HAUS6: variants seen among roughly 807,000 people sequenced by gnomAD.
HAUS6 encodes HAUS augmin like complex subunit 6.
Under a neutral mutation model 106.8 loss-of-function variants are expected in HAUS6, and 80 were observed. That is an observed-to-expected ratio of 0.75 (90% confidence interval 0.63 to 0.90). The LOEUF (loss-of-function observed/expected upper bound fraction) is 0.90, where lower values mean the gene tolerates loss of function less well. Among genes scored for constraint, HAUS6 ranks in the 40% least tolerant of loss-of-function variants. The pLI is 0.00. For synonymous variants in HAUS6, 356 were observed against 379.1 expected, an observed-to-expected ratio of 0.94 and a Z score of 0.71; for missense variants, 1,155 against 1,118.1, an observed-to-expected ratio of 1.03 and a Z score of -0.47.
intron 5 of HAUS6, 140 bp from the exon 6 acceptor site, chr9:19,087,296 C>G (rs944403878): frequency 3.2e-6 from 2 of 622,798 alleles, no homozygotes; most frequent in African/African-American, 3.7e-5. Context: ...TCTAGACTCT[C>G]TTTATCACAC....
intron 9 of HAUS6, among the ~76,000 whole-genome samples, chr9:19,079,910 C>T (rs1837101067): frequency 6.7e-6 from 1 of 148,174 alleles, no homozygotes; most frequent in Non-Finnish European, 1.5e-5. Flanking sequence ...CTTGGTGGCT[C>T]ACGCCTGTAA....
intron 12 of HAUS6, among the ~76,000 whole-genome samples, chr9:19,063,943 G>A (rs1046732226): frequency 1.3e-5 from 2 of 151,504 alleles, no homozygotes; most frequent in Non-Finnish European, 2.9e-5. Flanking sequence ...CCAAATCACA[G>A]TTTCTTTGTA....
chr9:19,088,853 G>T (rs1013035803), intron 5 of HAUS6, among the ~76,000 whole-genome samples: 2 of 152,096 alleles, frequency 1.3e-5, no homozygotes, highest in African/African-American at 2.4e-5. Flanking sequence ...ACTCAAGCCT[G>T]GGCAACACAG....
Position 19,054,915 on chromosome 9 carries a change from A to C in HAUS6, c.*1428T>G, listed in dbSNP as rs1369322894. Reference sequence around the variant, plus strand: ...AGATTTTCAGATACTGAGTTTTCTTAAAGCAGACTAAAGGTTTCCCCATAG... The same window carrying C: ...AGATTTTCAGATACTGAGTTTTCTTCAAGCAGACTAAAGGTTTCCCCATAG... On this transcript the variant is annotated 3_prime_UTR_variant, in exon 17 of 17. Coordinates refer to ENST00000380502, the MANE Select transcript of HAUS6 (RefSeq NM_017645.5). 6.6e-6 allele frequency: 1 copy of C among 152,242 alleles called. No homozygotes were observed. The highest frequency in any genetic ancestry group is 1.5e-5 in the Non-Finnish European group (1 of 68,042). 9.4% of individuals were successfully genotyped at this position (152,242 alleles called of 1,614,324 possible). A position where few individuals can be genotyped will look rare whatever the true frequency, so the allele number is the denominator to read the frequency against.
intron 11 of HAUS6, among the ~76,000 whole-genome samples, chr9:19,072,131 AGT>A (rs570041872): frequency 8.9e-4 from 135 of 151,994 alleles, no homozygotes; most frequent in South Asian, 2.5e-3. Flanking sequence ...CAGAGGTTGC[AGT>A]GAGTGGAAAT....
intron 14 of HAUS6, among the ~76,000 whole-genome samples, chr9:19,062,489 G>GT (rs1836647201): frequency 6.6e-6 from 1 of 152,146 alleles, no homozygotes; most frequent in South Asian, 2.1e-4. Context: ...AACCACAGAT[G>GT]TAATATTAGC....
intron 4 of HAUS6, among the ~76,000 whole-genome samples, chr9:19,092,909 T>TG (rs1421862163): frequency 1.6e-5 from 2 of 122,170 alleles, no homozygotes; most frequent in East Asian, 4.8e-4. Context: ...TGAGCGAAAC[T>TG]GTGTCTCAAA....
At chr9:19,092,597 A>G (rs117840821) in intron 4 of HAUS6, among the ~76,000 whole-genome samples, 4,782 of 146,398 alleles carry the variant, frequency 0.033, 102 homozygotes, top group Non-Finnish European at 0.05. Flanking sequence ...CCTGGGCAAC[A>G]AGAAAAAAAA....
chr9:19,064,476 C>A (rs1446593178), intron 12 of HAUS6, among the ~76,000 whole-genome samples: 1 of 152,118 alleles, frequency 6.6e-6, no homozygotes, highest in Non-Finnish European at 1.5e-5. Context: ...GCTTTTCATG[C>A]TAATTATAAA....
chr9:19,089,999 G>GT lies in HAUS6; in HGVS notation c.437-441dup, dbSNP rs568668586. Among the ~76,000 whole-genome samples the GT allele has an allele frequency of 1.0e-3, 152 of 148,350 alleles. 4 individuals are homozygous for GT. In the South Asian group the frequency reaches 0.017, roughly 17 times the overall value. The stretch of plus-strand genomic sequence containing the variant: ...AAGCACGCACCACCATGCCCAGCTA[G>GT]TTTTTTTTTTATTATTTTTTGTAGA... On this transcript the variant is annotated intron_variant, in intron 4 of 16. Coordinates refer to ENST00000380502, the MANE Select transcript of HAUS6 (RefSeq NM_017645.5).
chr9:19,089,481 G>A lies in HAUS6; in HGVS notation c.515C>T (p.Ala172Val). Residue 172 changes from alanine (A) to valine (V), a missense_variant, in exon 5 of 17, where the codon GCA becomes GTA. Ala to Val is a moderately conservative substitution (Grantham distance 64, BLOSUM62 0). This residue lies in a region of HAUS6 where 761 missense variants were observed against 690.0 expected (regional missense o/e 1.10). Coordinates refer to ENST00000380502, the MANE Select transcript of HAUS6 (RefSeq NM_017645.5). ...CAAAATTTGTAAAAATCTGCTACGT[G>A]CGAAATGGCATCTGGCAATGCATTT... The part of the protein sequence containing the change: ...LHKCIARCHF[A>V]RSRFLQILQR... 6.2e-7 allele frequency: 1 copy of A among 1,611,364 alleles called. No homozygotes were observed. The highest frequency in any genetic ancestry group is 8.5e-7 in the Non-Finnish European group (1 of 1,177,572).
chr9:19,082,157 A>G (rs1423440378), intron 8 of HAUS6, among the ~76,000 whole-genome samples: 1 of 152,194 alleles, frequency 6.6e-6, no homozygotes, highest in African/African-American at 2.4e-5. Flanking sequence ...TAAAAGAACC[A>G]TGGAGAACAT....
At chr9:19,087,265 G>T (rs945181513) in intron 5 of HAUS6, 109 bp from the exon 6 acceptor site, 96 of 703,698 alleles carry the variant, frequency 1.4e-4, no homozygotes, top group Non-Finnish European at 2.0e-5. Context: ...TCTGGGTACA[G>T]CCACCAGCAA....
At chr9:19,097,618 G>C (rs1008685590) in intron 1 of HAUS6, among the ~76,000 whole-genome samples, 1 of 152,158 alleles carries the variant, frequency 6.6e-6, no homozygotes, top group East Asian at 1.9e-4. Context: ...TGGAAAGGAT[G>C]TGGAGAAAGC....
intron 9 of HAUS6, among the ~76,000 whole-genome samples, chr9:19,079,821 T>C (rs1412058443): frequency 6.6e-6 from 1 of 150,934 alleles, no homozygotes; most frequent in East Asian, 2.0e-4. Flanking sequence ...GAGAATCGCA[T>C]GAACCCGGGA....
intron 4 of HAUS6, among the ~76,000 whole-genome samples, chr9:19,092,794 A>T (rs901701303): frequency 4.0e-5 from 6 of 150,510 alleles, no homozygotes; most frequent in Middle Eastern, 3.2e-3. Flanking sequence ...TCATGGTGGC[A>T]GACACCTGTA....
chr9:19,100,261 C>T (rs1056025830), intron 1 of HAUS6, among the ~76,000 whole-genome samples: 4 of 152,122 alleles, frequency 2.6e-5, no homozygotes, highest in African/African-American at 4.8e-5. Context: ...ATTCGGGAGG[C>T]TGAAGTGGAA....
Position 19,080,567 on chromosome 9 carries a change from C to G in HAUS6, c.976G>C (p.Asp326His). Residue 326 changes from aspartate (D) to histidine (H), a missense_variant, in exon 9 of 17, where the codon GAT becomes CAT. Physicochemically the swap from Asp to His is moderately conservative, Grantham distance 81. Coordinates refer to ENST00000380502, the MANE Select transcript of HAUS6 (RefSeq NM_017645.5). Reference protein sequence around the residue: ...KVMKYERCQADQARLTVDLHY... With the variant: ...KVMKYERCQAHQARLTVDLHY... ...AGGTCTACCGTCAATCTTGCTTGAT[C>G]AGCCTGACAACGTTCATATTTCATC... 6 of 1,601,564 alleles carry G rather than the reference C, an allele frequency of 3.7e-6. No homozygotes were observed. Among genetic ancestry groups the G allele is most frequent in the Non-Finnish European group, 5.1e-6 (6 of 1,169,794 alleles).
At chr9:19,064,893 GC>G (rs1167854118) in intron 12 of HAUS6, 1 of 152,012 alleles carries the variant, frequency 6.6e-6, no homozygotes, top group East Asian at 1.9e-4. Context: ...TTATCAAAAA[GC>G]CCCCTGAAAC....
Sources: gnomAD v4.1 joint callset for allele counts (sites outside exome capture counted in the v4.1 genomes callset) on GRCh38, gnomAD v4.1.1 for gene constraint, gnomAD v4.1.1 regional missense constraint, MANE v1.5 for transcripts, NCBI Gene and HGNC (gene_info 2026-07-23, HGNC 2026-07-21) for gene names.